The following FOXK2 variants were observed in gnomAD, a reference collection of about 807,000 sequenced individuals.
FOXK2 encodes forkhead box protein K2.
Under a neutral mutation model 53.3 loss-of-function variants are expected in FOXK2, and 24 were observed. The observed-to-expected ratio is 0.45, with a 90% confidence interval of 0.33 to 0.63. The LOEUF is 0.63. FOXK2 is among the 30% of genes least tolerant of loss of function. The pLI is 0.03. For missense variants in FOXK2, 952 were observed against 910.5 expected, an observed-to-expected ratio of 1.05 and a Z score of -0.59; for synonymous variants, 505 against 407.1, an observed-to-expected ratio of 1.24 and a Z score of -2.89.
intron 3 of FOXK2, among the ~76,000 whole-genome samples, chr17:82,569,085 T>G (rs2044884965): frequency 6.6e-6 from 1 of 152,200 alleles, no homozygotes; most frequent in Non-Finnish European, 1.5e-5. Context: ...GATATTGTGC[T>G]TCCACTTAGG....
chr17:82,560,001 CTTTTTT>C (rs10583366), intron 1 of FOXK2, among the ~76,000 whole-genome samples: 8 of 97,572 alleles, frequency 8.2e-5, no homozygotes, highest in Admixed American at 2.4e-4. Flanking sequence ...TCTGGATAGA[CTTTTTT>C]TTTTTTTTTT....
rs2045405931 is a variant in FOXK2, at chr17:82,603,160, TAAGA to T, written c.*1664_*1667del. On this transcript the variant is annotated 3_prime_UTR_variant, in exon 9 of 9. Transcript: ENST00000335255. ...CTAGCTGGATTATCACTCAGCCGTT[TAAGA>T]AATAAAAGCAAAACCATCACGTGAC... The T allele has an allele frequency of 6.6e-6, 1 of 152,414 alleles. No homozygotes were observed. The highest frequency in any genetic ancestry group is 2.1e-4 in the South Asian group (1 of 4,834). The allele number at this position is 152,414 out of a possible 1,614,324, so 9.4% of individuals were successfully genotyped here.
At chr17:82,558,762 C>CTT (rs376587861) in intron 1 of FOXK2, among the ~76,000 whole-genome samples, 1 of 148,924 alleles carries the variant, frequency 6.7e-6, no homozygotes, top group African/African-American at 2.5e-5. Flanking sequence ...ATCTTTACAT[C>CTT]TTTTTTTTTT....
At chr17:82,586,457 GGA>G (rs2045163552) in intron 7 of FOXK2, among the ~76,000 whole-genome samples, 1 of 72,738 alleles carries the variant, frequency 1.4e-5, no homozygotes, top group African/African-American at 5.6e-5. Flanking sequence ...GGCCGGGGGG[GGA>G]AAGGAGGAGA....
At chr17:82,559,304 C>G (rs1473627531) in intron 1 of FOXK2, 1 of 448,472 alleles carries the variant, frequency 2.2e-6, no homozygotes, top group Non-Finnish European at 4.5e-6. Flanking sequence ...GCTGTTCTTC[C>G]CATCTCTGCT....
intron 3 of FOXK2, among the ~76,000 whole-genome samples, chr17:82,571,045 C>T (rs777530114): frequency 2.0e-5 from 3 of 152,092 alleles, no homozygotes; most frequent in South Asian, 2.1e-4. Flanking sequence ...CTGGCCACCC[C>T]TGGTGCTTAT....
rs4548910 is a variant in FOXK2 at position 82,586,677 on chromosome 17, G to A, written c.1577-386G>A. 1.6e-3 allele frequency among the ~76,000 whole-genome samples: 242 copies of A among 152,152 alleles called. 1 individual carries two copies. Among genetic ancestry groups the A allele is most frequent in the South Asian group, 3.7e-3 (18 of 4,830 alleles). On this transcript the variant is annotated intron_variant, in intron 7 of 8. Coordinates refer to ENST00000335255, the MANE Select transcript of FOXK2 (RefSeq NM_004514.4). ...AGCACTATGGGGGGCTGAGACGGTCGGATCACCTGAGGTTAGGAGTTGGAG... is the reference window on the plus strand; with the variant it reads ...AGCACTATGGGGGGCTGAGACGGTCAGATCACCTGAGGTTAGGAGTTGGAG...
At chr17:82,566,274 TC>T (rs1284358566) in intron 2 of FOXK2, among the ~76,000 whole-genome samples, 2 of 151,844 alleles carry the variant, frequency 1.3e-5, no homozygotes, top group Non-Finnish European at 2.9e-5. Flanking sequence ...TGGAAAAACA[TC>T]CGTTGTGCAT....
intron 2 of FOXK2, among the ~76,000 whole-genome samples, chr17:82,563,782 C>T: frequency 7.5e-6 from 1 of 132,766 alleles, no homozygotes; most frequent in Admixed American, 8.2e-5. Flanking sequence ...GAAGGAGTCT[C>T]TGTCTGTTGC....
intron 4 of FOXK2, among the ~76,000 whole-genome samples, chr17:82,579,285 C>T (rs1181801374): frequency 9.9e-5 from 15 of 152,160 alleles, no homozygotes; most frequent in Non-Finnish European, 1.6e-4. Context: ...TGTCGGGGCA[C>T]CAATAACAGT....
intron 3 of FOXK2, among the ~76,000 whole-genome samples, chr17:82,571,002 G>T (rs2143035632): frequency 6.6e-6 from 1 of 152,262 alleles, no homozygotes; most frequent in East Asian, 1.9e-4. Flanking sequence ...TTGTGGATGG[G>T]TATTTGGTGA....
rs565735756 is a variant in FOXK2, at chr17:82,524,411, C to T, written c.419+4104C>T. On this transcript the variant is annotated intron_variant, in intron 1 of 8. Transcript: ENST00000335255. The stretch of plus-strand genomic sequence containing the variant: ...TAAGTAGTTTAGGTTTAAAATTTGG[C>T]TCATTTCATTGAAATAATAATGTAT... 1.7e-4 allele frequency among the ~76,000 whole-genome samples: 26 copies of T among 152,198 alleles called. 1 individual carries two copies. In the South Asian group the frequency reaches 5.2e-3, roughly 30 times the overall value.
At chr17:82,546,114 GT>G (rs531735206) in intron 1 of FOXK2, among the ~76,000 whole-genome samples, 15,749 of 100,676 alleles carry the variant, frequency 0.16, 376 homozygotes, top group Non-Finnish European at 0.2. Context: ...AGCATGGTTG[GT>G]TTTTTTTTTT....
Position 82,520,269 on chromosome 17 carries a change from C to T in FOXK2, c.381C>T (p.Phe127=). ...ACGGGGTATTCGTGGACGGCGTGTT[C>T]CAGAGGCGCGGGGCGCCGCCGCTGC... ...GKNGVFVDGV[F]QRRGAPPLQL... The change falls in exon 1 of 9, where the codon TTC becomes TTT. Residue 127 remains phenylalanine, a synonymous_variant. Coordinates refer to ENST00000335255, the MANE Select transcript of FOXK2 (RefSeq NM_004514.4). 1 of 1,275,650 alleles carries T rather than the reference C, an allele frequency of 7.8e-7. No homozygotes were observed. Among genetic ancestry groups the T allele is most frequent in the Non-Finnish European group, 9.9e-7 (1 of 1,007,076 alleles). 79.0% of individuals were successfully genotyped at this position (1,275,650 alleles called of 1,614,324 possible). A position where few individuals can be genotyped will look rare whatever the true frequency, so the allele number is the denominator to read the frequency against.
chr17:82,598,713 C>A (rs1434639829), intron 8 of FOXK2, among the ~76,000 whole-genome samples: 2 of 152,242 alleles, frequency 1.3e-5, no homozygotes, highest in African/African-American at 2.4e-5. Context: ...TCTGAAGATG[C>A]CACCTCCTAA....
chr17:82,591,108 G>C lies in FOXK2; in HGVS notation c.1786+3836G>C, dbSNP rs112412580. ...ACAGGACGAGGGGTCAGGATGTTCC[G>C]GCCATGCACTGTAGCCCTGGCCTTG... On this transcript the variant is annotated intron_variant, in intron 8 of 8. Coordinates refer to ENST00000335255, the MANE Select transcript of FOXK2 (RefSeq NM_004514.4). 4.3e-3 allele frequency among the ~76,000 whole-genome samples: 655 copies of C among 152,292 alleles called. 7 individuals carry two copies. Among genetic ancestry groups the C allele is most frequent in the African/African-American group, 0.015 (606 of 41,556 alleles).
chr17:82,554,084 G>A (rs1021696641), intron 1 of FOXK2, among the ~76,000 whole-genome samples: 4 of 152,088 alleles, frequency 2.6e-5, no homozygotes, highest in Non-Finnish European at 4.4e-5. Flanking sequence ...CGCCCACCTC[G>A]GCCTCCCAAA....
At chr17:82,553,599 C>G (rs1218511676) in intron 1 of FOXK2, among the ~76,000 whole-genome samples, 1 of 152,214 alleles carries the variant, frequency 6.6e-6, no homozygotes, top group Non-Finnish European at 1.5e-5. Flanking sequence ...TTGGATGTTT[C>G]TGGAGGGGTC....
chr17:82,524,130 C>T (rs896078023), intron 1 of FOXK2, among the ~76,000 whole-genome samples: 1 of 151,750 alleles, frequency 6.6e-6, no homozygotes, highest in African/African-American at 2.4e-5. Context: ...CTCAGGTGAT[C>T]CGTCCCGCCT....
Sources: allele counts gnomAD v4.1 joint callset (sites outside exome capture counted in the v4.1 genomes callset), GRCh38; gene constraint gnomAD v4.1.1; transcripts MANE v1.5; gene names NCBI Gene and HGNC (gene_info 2026-07-23, HGNC 2026-07-21).